The following VWA8 variants were observed in gnomAD, a reference collection of about 807,000 sequenced individuals.
The protein encoded by VWA8 is von Willebrand factor A domain-containing protein 8.
Under a neutral mutation model 241.5 loss-of-function variants are expected in VWA8, and 221 were observed. That is an observed-to-expected ratio of 0.91 (90% CI 0.82 to 1.02). The LOEUF (loss-of-function observed/expected upper bound fraction) is 1.02. VWA8 is among the 50% of genes least tolerant of loss of function. The probability of loss-of-function intolerance (pLI) is 0.00; values close to 1 mark genes in which losing one functional copy is unlikely to be tolerated. For missense variants in VWA8, 2,322 were observed against 2,328.7 expected, an observed-to-expected ratio of 1.00 and a Z score of 0.06; for synonymous variants, 852 against 827.1, an observed-to-expected ratio of 1.03 and a Z score of -0.52.
At chr13:41,640,344 A>AG (rs1360324703) in intron 37 of VWA8, among the ~76,000 whole-genome samples, 1 of 152,224 alleles carries the variant, frequency 6.6e-6, no homozygotes, top group African/African-American at 2.4e-5. Context: ...AGACCCAAAT[A>AG]GCTCATAGGC....
rs202207084 is a variant in VWA8, at chr13:41,674,928, A to AT, written c.4409+286dup. On this transcript the variant is annotated intron_variant, in intron 36 of 44. Transcript: ENST00000379310. ...TAATTTTTGTAATACTAAAAATGCT[A>AT]TTCAGATACAGAAAAACTTATTAGA... Among the ~76,000 whole-genome samples the AT allele has an allele frequency of 2.6e-3, 397 of 152,354 alleles. 2 individuals carry two copies. Among genetic ancestry groups the AT allele is most frequent in the South Asian group, 0.015 (72 of 4,824 alleles).
chr13:41,959,177 T>C (rs1878475596), intron 1 of VWA8, among the ~76,000 whole-genome samples: 1 of 152,190 alleles, frequency 6.6e-6, no homozygotes, highest in Admixed American at 6.5e-5. Context: ...TGAGCATTAA[T>C]ATGTGCCACA....
At chr13:41,806,968 G>A (rs1036656660) in intron 17 of VWA8, among the ~76,000 whole-genome samples, 5 of 151,354 alleles carry the variant, frequency 3.3e-5, no homozygotes, top group Non-Finnish European at 7.4e-5. Flanking sequence ...TAAGAAAAAG[G>A]AAGATTCAAA....
At chr13:41,622,309 G>GGGACAGCCATGTGGT (rs1286162770) in intron 37 of VWA8, among the ~76,000 whole-genome samples, 1 of 152,178 alleles carries the variant, frequency 6.6e-6, no homozygotes, top group African/African-American at 2.4e-5. Context: ...TTTGTTTCCT[G>GGGACAGCCATGTGGT]GGACAGCCAT....
At chr13:41,942,961 C>A (rs1281091922) in intron 2 of VWA8, among the ~76,000 whole-genome samples, 1 of 152,162 alleles carries the variant, frequency 6.6e-6, no homozygotes, top group Non-Finnish European at 1.5e-5. Context: ...GAATATAAGA[C>A]TGAATAGCAA....
chr13:41,603,950 T>C (rs1236703303), intron 40 of VWA8, among the ~76,000 whole-genome samples: 1 of 152,180 alleles, frequency 6.6e-6, no homozygotes. Flanking sequence ...TTTAGTTGAC[T>C]TTGAGTCCCT....
intron 23 of VWA8, among the ~76,000 whole-genome samples, chr13:41,727,706 T>TA (rs2045448054): frequency 6.6e-6 from 1 of 152,210 alleles, no homozygotes; most frequent in Non-Finnish European, 1.5e-5. Flanking sequence ...CTTTAGTTTT[T>TA]ATCAAATCAG....
chr13:41,570,554 AG>A lies in VWA8; in HGVS notation c.5522del (p.Pro1841LeufsTer14). 6.2e-7 allele frequency: 1 copy of A among 1,614,242 alleles called. No individual in the cohort carries two copies. The highest frequency in any genetic ancestry group is 8.5e-7 in the Non-Finnish European group (1 of 1,180,044). On this transcript the variant is annotated frameshift_variant, in exon 44 of 45. Coordinates refer to ENST00000379310, the MANE Select transcript of VWA8 (RefSeq NM_015058.2). LOFTEE classifies it high-confidence loss of function. ...DANLSRYGIH[P>X]AKFAQILTRD... Reference sequence around the variant, plus strand: ...TTGTGAGGATTTGAGCAAACTTAGCAGGATGTATTCCATATCGTGACAGATT... The same window carrying A: ...TTGTGAGGATTTGAGCAAACTTAGCAGATGTATTCCATATCGTGACAGATT...
At chr13:41,731,423 T>C (rs1273193475) in intron 22 of VWA8, among the ~76,000 whole-genome samples, 2 of 152,264 alleles carry the variant, frequency 1.3e-5, no homozygotes, top group East Asian at 3.9e-4. Context: ...TCAAACTCTA[T>C]ACATTTGAAA....
chr13:41,879,413 AC>A (rs150382285), intron 9 of VWA8, among the ~76,000 whole-genome samples: 1 of 147,130 alleles, frequency 6.8e-6, no homozygotes, highest in Non-Finnish European at 1.5e-5. Context: ...ACACACACAC[AC>A]ACCTTTCTTC....
intron 36 of VWA8, among the ~76,000 whole-genome samples, chr13:41,671,379 A>G (rs2045022272): frequency 6.6e-6 from 1 of 152,152 alleles, no homozygotes; most frequent in Admixed American, 6.6e-5. Context: ...CAGGACAATC[A>G]TGAATATAAA....
chr13:41,959,685 T>C (rs1379557844), intron 1 of VWA8, among the ~76,000 whole-genome samples: 4 of 137,214 alleles, frequency 2.9e-5, no homozygotes, highest in Non-Finnish European at 6.1e-5. Context: ...CACTCCAAGC[T>C]CCGCCTCCCG....
rs1874636735 is a variant in VWA8, at chr13:41,888,130, C to T, written c.652-769G>A. Among the ~76,000 whole-genome samples the T allele has an allele frequency of 3.3e-5, 5 of 152,270 alleles. No homozygotes were observed. The South Asian group carries it at 1.0e-3, about 32-fold the overall frequency. The stretch of plus-strand genomic sequence containing the variant: ...AATATCACCTACATTATTGTGACTG[C>T]TAGGAAAACTAAATGTGTAAATGTA... On this transcript the variant is annotated intron_variant, in intron 5 of 44. Coordinates refer to ENST00000379310, the MANE Select transcript of VWA8 (RefSeq NM_015058.2).
At chr13:41,704,463 C>T (rs79536880) in intron 26 of VWA8, among the ~76,000 whole-genome samples, 1,261 of 8,984 alleles carry the variant, frequency 0.14, 14 homozygotes, top group South Asian at 0.34. Context: ...TAAGTCTTCA[C>T]TTTTTTTTTT....
chr13:41,660,559 C>T (rs1347969651), intron 37 of VWA8, among the ~76,000 whole-genome samples: 9 of 152,190 alleles, frequency 5.9e-5, no homozygotes, highest in Admixed American at 5.2e-4. Context: ...AGATTGAGGA[C>T]TCCCAAGAGT....
At chr13:41,579,656 A>T (rs2044370411) in intron 42 of VWA8, among the ~76,000 whole-genome samples, 1 of 152,168 alleles carries the variant, frequency 6.6e-6, no homozygotes, top group Admixed American at 6.5e-5. Flanking sequence ...ACACTTACTG[A>T]CTTTATAGTT....
chr13:41,730,889 T>G (rs2045477851), intron 22 of VWA8, among the ~76,000 whole-genome samples: 1 of 151,528 alleles, frequency 6.6e-6, no homozygotes, highest in African/African-American at 2.4e-5. Flanking sequence ...AGAAATTTCT[T>G]TTTTAAGATA....
At chr13:41,625,853 C>T (rs2044686647) in intron 37 of VWA8, among the ~76,000 whole-genome samples, 1 of 151,632 alleles carries the variant, frequency 6.6e-6, no homozygotes. Flanking sequence ...CAATGATAGA[C>T]TGGATTAAGA....
At chr13:41,878,278 T>A (rs369826449) in intron 9 of VWA8, among the ~76,000 whole-genome samples, 5 of 152,182 alleles carry the variant, frequency 3.3e-5, no homozygotes, top group South Asian at 2.1e-4. Context: ...TTCAAAACTA[T>A]TTGAGCACAT....
Sources: allele counts gnomAD v4.1 joint callset (sites outside exome capture counted in the v4.1 genomes callset), GRCh38; gene constraint gnomAD v4.1.1; transcripts MANE v1.5; gene names NCBI Gene and HGNC (gene_info 2026-07-23, HGNC 2026-07-21).